PRKCB: variants seen among roughly 807,000 people sequenced by gnomAD.
The protein encoded by PRKCB is protein kinase C beta, also known as protein kinase C beta type.
PRKCB carries 13 observed loss-of-function variants against 81.5 expected under a neutral mutation model. The ratio of observed to expected loss-of-function variants is 0.16; its 90% CI spans 0.10 to 0.25. The LOEUF (loss-of-function observed/expected upper bound fraction) is 0.25. Ranked by LOEUF, PRKCB falls within the 10% of genes least tolerant of loss-of-function variation. PRKCB has a pLI of 1.00. For missense variants in PRKCB, 509 were observed against 875.7 expected, an observed-to-expected ratio of 0.58 and a Z score of 5.29; for synonymous variants, 335 against 321.4, an observed-to-expected ratio of 1.04 and a Z score of -0.45.
intron 2 of PRKCB, among the ~76,000 whole-genome samples, chr16:23,922,210 C>T (rs1404055259): frequency 1.3e-5 from 2 of 152,166 alleles, no homozygotes; most frequent in African/African-American, 2.4e-5. Flanking sequence ...AGAAATTAGG[C>T]AGGAGACCTA....
chr16:23,924,965 G>T (rs1164382437), intron 2 of PRKCB, among the ~76,000 whole-genome samples: 1 of 152,008 alleles, frequency 6.6e-6, no homozygotes, highest in South Asian at 2.1e-4. Flanking sequence ...GTTCATTCTG[G>T]ACCTGGGTAA....
chr16:23,928,918 C>T (rs1963933971), intron 2 of PRKCB, among the ~76,000 whole-genome samples: 1 of 151,886 alleles, frequency 6.6e-6, no homozygotes, highest in Non-Finnish European at 1.5e-5. Context: ...GGGGTTTTGC[C>T]ATGTTGGCCA....
chr16:23,946,097 G>A (rs775254206), intron 2 of PRKCB, among the ~76,000 whole-genome samples: 8 of 152,184 alleles, frequency 5.3e-5, no homozygotes, highest in Non-Finnish European at 4.4e-5. Context: ...AAGCTCAGAG[G>A]GGTTAAATAA....
intron 3 of PRKCB, among the ~76,000 whole-genome samples, chr16:24,014,337 G>A (rs1460733361): frequency 2.0e-5 from 3 of 152,092 alleles, no homozygotes; most frequent in East Asian, 1.9e-4. Context: ...TATAATGTGG[G>A]TGTGATCCGT....
intron 9 of PRKCB, among the ~76,000 whole-genome samples, chr16:24,147,143 C>T (rs1967002382): frequency 6.6e-6 from 1 of 151,862 alleles, no homozygotes; most frequent in African/African-American, 2.4e-5. Flanking sequence ...CCCGTCTCTA[C>T]TAAAAATACA....
chr16:23,993,102 A>G (rs1964909232), intron 3 of PRKCB, among the ~76,000 whole-genome samples: 1 of 152,124 alleles, frequency 6.6e-6, no homozygotes. Flanking sequence ...TTCAAGTCCT[A>G]GCAGGCTCCT....
chr16:24,029,773 A>G (rs947010258), intron 3 of PRKCB, among the ~76,000 whole-genome samples: 2 of 152,240 alleles, frequency 1.3e-5, no homozygotes, highest in Admixed American at 6.5e-5. Context: ...GGCAGCATCA[A>G]TAAATACATG....
intron 2 of PRKCB, among the ~76,000 whole-genome samples, chr16:23,948,027 T>C (rs1341396538): frequency 6.6e-6 from 1 of 152,062 alleles, no homozygotes; most frequent in African/African-American, 2.4e-5. Context: ...GTCAATCAGG[T>C]GAGTCCTTGC....
intron 5 of PRKCB, among the ~76,000 whole-genome samples, chr16:24,076,876 C>A (rs1473128360): frequency 6.6e-6 from 1 of 152,146 alleles, no homozygotes; most frequent in Non-Finnish European, 1.5e-5. Flanking sequence ...TCTGTGTACC[C>A]TTTTATAGAT....
intron 2 of PRKCB, among the ~76,000 whole-genome samples, chr16:23,916,457 A>G (rs1240728630): frequency 6.6e-6 from 1 of 152,142 alleles, no homozygotes; most frequent in Admixed American, 6.5e-5. Context: ...TCGAATAGTT[A>G]TATGTACTCA....
rs890406404 is a variant in PRKCB at position 24,218,252 on chromosome 16, T to C, written c.*3436T>C. On this transcript the variant is annotated 3_prime_UTR_variant, in exon 17 of 17. Coordinates refer to ENST00000643927, the MANE Select transcript of PRKCB (RefSeq NM_002738.7). ...GATGCTAAAGTGTGACTTGTGGGGA[T>C]TGGGAGAGAGATGCACAGACAATAT... 1.0e-6 allele frequency: 1 copy of C among 985,034 alleles called. No homozygotes were observed. The highest frequency in any genetic ancestry group is 1.2e-6 in the Non-Finnish European group (1 of 829,888). 61.0% of individuals were successfully genotyped at this position (985,034 alleles called of 1,614,324 possible).
At chr16:23,904,599 G>T (rs1015697485) in intron 2 of PRKCB, among the ~76,000 whole-genome samples, 4 of 152,252 alleles carry the variant, frequency 2.6e-5, no homozygotes, top group East Asian at 1.9e-4. Context: ...GGAAGTGAAG[G>T]TTGCAGTGAG....
At chr16:23,994,494 A>G (rs192695538) in intron 3 of PRKCB, among the ~76,000 whole-genome samples, 1 of 152,354 alleles carries the variant, frequency 6.6e-6, no homozygotes, top group African/African-American at 2.4e-5. Context: ...GAGCAATACT[A>G]CATCCTTAGA....
intron 3 of PRKCB, among the ~76,000 whole-genome samples, chr16:24,007,931 A>G (rs887752447): frequency 2.0e-5 from 3 of 151,690 alleles, no homozygotes; most frequent in Non-Finnish European, 4.4e-5. Context: ...TTTTGTGTTC[A>G]TGAGGTTCAT....
Position 23,929,644 on chromosome 16 carries a change from G to A in PRKCB, c.206-58864G>A, listed in dbSNP as rs752672257. ...ATGGTATTATCTTTACAGCTTGTTCGCTTCTGTATCCTGAGCATCTAGGAC... is the reference window on the plus strand; with the variant it reads ...ATGGTATTATCTTTACAGCTTGTTCACTTCTGTATCCTGAGCATCTAGGAC... On this transcript the variant is annotated intron_variant, in intron 2 of 16. Coordinates refer to ENST00000643927, the MANE Select transcript of PRKCB (RefSeq NM_002738.7). Among the ~76,000 whole-genome samples, 14 of 152,210 alleles carry A rather than the reference G, an allele frequency of 9.2e-5. No homozygotes were observed. The South Asian group carries it at 1.2e-3, about 14-fold the overall frequency.
chr16:23,869,440 G>A (rs1387727077), intron 2 of PRKCB: 2 of 198,882 alleles, frequency 1.0e-5, no homozygotes, highest in South Asian at 7.1e-5. Context: ...GACTAATACA[G>A]TCATATAGCC....
intron 9 of PRKCB, among the ~76,000 whole-genome samples, chr16:24,134,327 G>A (rs1966858318): frequency 6.6e-6 from 1 of 152,104 alleles, no homozygotes; most frequent in Non-Finnish European, 1.5e-5. Flanking sequence ...CAGGTGTGGT[G>A]GCTCATGGCT....
intron 2 of PRKCB, among the ~76,000 whole-genome samples, chr16:23,966,617 C>G (rs1164163625): frequency 6.6e-6 from 1 of 152,164 alleles, no homozygotes; most frequent in Non-Finnish European, 1.5e-5. Flanking sequence ...TCTCGCCTGC[C>G]TTTAAATCCC....
At chr16:23,937,109 A>G (rs9939895) in intron 2 of PRKCB, among the ~76,000 whole-genome samples, 56,814 of 151,972 alleles carry the variant, frequency 0.37, 10,842 homozygotes, top group South Asian at 0.55. Flanking sequence ...TTTAGAGGAG[A>G]TGCTTCTGGA....
Sources: gnomAD v4.1 joint callset for allele counts (sites outside exome capture counted in the v4.1 genomes callset) on GRCh38, gnomAD v4.1.1 for gene constraint, MANE v1.5 for transcripts, NCBI Gene and HGNC (gene_info 2026-07-23, HGNC 2026-07-21) for gene names.